LRRC58: variants seen among roughly 807,000 people sequenced by gnomAD.
The protein encoded by LRRC58 is leucine rich repeat containing 58.
A neutral mutation model predicts 30.6 loss-of-function variants in LRRC58; 18 were observed. That is an observed-to-expected ratio of 0.59 (90% confidence interval 0.41 to 0.87). The LOEUF (loss-of-function observed/expected upper bound fraction) is 0.87, where lower values mean the gene tolerates loss of function less well. Ranked by LOEUF, LRRC58 falls within the 40% of genes least tolerant of loss-of-function variation. The pLI is 0.00. For synonymous variants in LRRC58, 221 were observed against 206.0 expected, an observed-to-expected ratio of 1.07 and a Z score of -0.62; for missense variants, 420 against 468.4, an observed-to-expected ratio of 0.90 and a Z score of 0.95.
At chr3:120,334,043 A>C (rs993130185) in intron 3 of LRRC58, among the ~76,000 whole-genome samples, 8 of 152,208 alleles carry the variant, frequency 5.3e-5, no homozygotes, top group African/African-American at 1.7e-4. Context: ...TATCATTTGC[A>C]TAATTCTCTT....
chr3:120,330,874 G>A lies in LRRC58; in HGVS notation c.*326C>T. Reference sequence around the variant, plus strand: ...ACTTTCTCCATCTCAATGTCCAAAAGTTATACTACTCATGACTTATTGCAG... The same window carrying A: ...ACTTTCTCCATCTCAATGTCCAAAAATTATACTACTCATGACTTATTGCAG... On this transcript the variant is annotated 3_prime_UTR_variant, in exon 4 of 4. Transcript: ENST00000295628. 1 of 320,934 alleles carries A rather than the reference G, an allele frequency of 3.1e-6. No homozygotes were observed. The highest frequency in any genetic ancestry group is 3.2e-5 in the South Asian group (1 of 30,808). 19.9% of individuals were successfully genotyped at this position (320,934 alleles called of 1,614,324 possible).
intron 1 of LRRC58, among the ~76,000 whole-genome samples, chr3:120,338,125 G>A (rs762066591): frequency 5.3e-5 from 8 of 152,166 alleles, no homozygotes; most frequent in Non-Finnish European, 1.0e-4. Flanking sequence ...TTACGGGCGT[G>A]AGCCACGGTG....
At position 120,327,841 on chromosome 3, in the gene LRRC58, G is replaced by A. The variant is rs577946160; in HGVS notation, c.*3359C>T. The A allele has an allele frequency of 2.4e-4, 36 of 152,268 alleles. No homozygotes were observed. Among genetic ancestry groups the A allele is most frequent in the Admixed American group, 1.5e-3 (23 of 15,292 alleles). 9.4% of individuals were successfully genotyped at this position (152,268 alleles called of 1,614,324 possible). ...GATTACTGCAACCTCTGTCTCCCAAGTTCAAGTGATTCTCTTGTCTTAGCC... is the reference window on the plus strand; with the variant it reads ...GATTACTGCAACCTCTGTCTCCCAAATTCAAGTGATTCTCTTGTCTTAGCC... On this transcript the variant is annotated 3_prime_UTR_variant, in exon 4 of 4. Transcript: ENST00000295628.
At chr3:120,332,811 A>C (rs562403064) in intron 3 of LRRC58, among the ~76,000 whole-genome samples, 19 of 152,082 alleles carry the variant, frequency 1.2e-4, no homozygotes, top group African/African-American at 4.3e-4. Context: ...GTGCAGTGAC[A>C]TGATCACAAC....
intron 3 of LRRC58, among the ~76,000 whole-genome samples, chr3:120,332,006 C>T (rs1422609092): frequency 6.6e-6 from 1 of 152,170 alleles, no homozygotes; most frequent in Non-Finnish European, 1.5e-5. Context: ...GTCAGGTAAA[C>T]TGAAAGTAAT....
intron 1 of LRRC58, among the ~76,000 whole-genome samples, chr3:120,345,026 C>T (rs1490729774): frequency 1.3e-5 from 2 of 151,704 alleles, no homozygotes; most frequent in South Asian, 4.2e-4. Flanking sequence ...CTAATTTACT[C>T]GAGGGGAAGG....
rs1935691859 is a variant in LRRC58 at position 120,327,269 on chromosome 3, T to TTTTTTTG, written c.*3930_*3931insCAAAAAA. On this transcript the variant is annotated 3_prime_UTR_variant, in exon 4 of 4. Transcript: ENST00000295628. Reference sequence around the variant, plus strand: ...TTTCTTTTTTTTTTTTTTTTTTTTTTGAGACGGAGTCTCGCTCTGTGGCCC... The same window carrying TTTTTTTG: ...TTTCTTTTTTTTTTTTTTTTTTTTTTTTTTTTGGAGACGGAGTCTCGCTCTGTGGCCC... 1 of 127,480 alleles carries TTTTTTTG rather than the reference T, an allele frequency of 7.8e-6. No individual in the cohort carries two copies. The highest frequency in any genetic ancestry group is 1.7e-5 in the Non-Finnish European group (1 of 57,218). 7.9% of individuals were successfully genotyped at this position (127,480 alleles called of 1,614,324 possible).
At chr3:120,348,210 A>G (rs148502929) in intron 1 of LRRC58, among the ~76,000 whole-genome samples, 1 of 152,342 alleles carries the variant, frequency 6.6e-6, no homozygotes, top group East Asian at 1.9e-4. Context: ...TTCAACACAT[A>G]CTGAGTGCCT....
intron 1 of LRRC58, among the ~76,000 whole-genome samples, chr3:120,342,148 T>A (rs968126057): frequency 2.0e-5 from 3 of 152,062 alleles, no homozygotes; most frequent in Non-Finnish European, 4.4e-5. Flanking sequence ...ACAAATGGCA[T>A]CAGGAGGCAG....
intron 1 of LRRC58, among the ~76,000 whole-genome samples, chr3:120,344,403 A>G (rs1369388249): frequency 6.6e-6 from 1 of 152,238 alleles, no homozygotes; most frequent in Non-Finnish European, 1.5e-5. Flanking sequence ...AGAGCCAGTG[A>G]CAAGCTCAGT....
chr3:120,348,855 T>C lies in LRRC58; in HGVS notation c.389A>G (p.Asn130Ser), dbSNP rs755035198. The change falls in exon 1 of 4, where the codon AAC becomes AGC. Residue 130 changes from asparagine (N) to serine (S), a missense_variant. By Grantham distance (46) the Asn-to-Ser change is conservative (BLOSUM62 1). Coordinates refer to ENST00000295628, the MANE Select transcript of LRRC58 (RefSeq NM_001099678.2). ...RSLQVLNLSG[N>S]CFQEVPASLL... ...CGAGGCAGGCACCTCCTGGAAACAG[T>C]TGCCGCTGAGGTTGAGCACCTGGAG... 5.0e-6 allele frequency: 8 copies of C among 1,602,778 alleles called. No individual in the cohort carries two copies. Among genetic ancestry groups the C allele is most frequent in the East Asian group, 2.2e-5 (1 of 44,456 alleles).
intron 1 of LRRC58, among the ~76,000 whole-genome samples, chr3:120,336,880 TATAA>T (rs72317043): frequency 0.043 from 6,404 of 148,546 alleles, 341 homozygotes; most frequent in African/African-American, 0.13. Context: ...TATATTATAC[TATAA>T]ATAAATAAAT....
rs1935734594 is a variant in LRRC58, at chr3:120,330,156, T to C, written c.*1044A>G. On this transcript the variant is annotated 3_prime_UTR_variant, in exon 4 of 4. Coordinates refer to ENST00000295628, the MANE Select transcript of LRRC58 (RefSeq NM_001099678.2). ...AAGTAGAGAAAGATGGTCCAGTACA[T>C]GACATGGGTGAGAGTCATATTTTTT... is the stretch of plus-strand genomic sequence containing the variant. The C allele has an allele frequency of 6.6e-6, 1 of 152,084 alleles. No individual in the cohort carries two copies. The highest frequency in any genetic ancestry group is 1.5e-5 in the Non-Finnish European group (1 of 67,970). 9.4% of individuals were successfully genotyped at this position (152,084 alleles called of 1,614,324 possible).
chr3:120,341,329 CA>C (rs1409670887), intron 1 of LRRC58, among the ~76,000 whole-genome samples: 10 of 151,788 alleles, frequency 6.6e-5, no homozygotes. Flanking sequence ...AGAATACTAT[CA>C]GGGAAAAAAA....
At chr3:120,343,413 T>A (rs747309485) in intron 1 of LRRC58, among the ~76,000 whole-genome samples, 24 of 152,224 alleles carry the variant, frequency 1.6e-4, no homozygotes, top group Non-Finnish European at 3.4e-4. Context: ...GGGTTTAAGT[T>A]CTTGTGGTTA....
Position 120,330,080 on chromosome 3 carries a change from T to G in LRRC58, c.*1120A>C, listed in dbSNP as rs1030816306. 3.3e-5 allele frequency: 5 copies of G among 152,208 alleles called. No individual in the cohort carries two copies. Among genetic ancestry groups the G allele is most frequent in the Admixed American group, 3.3e-4 (5 of 15,290 alleles). The allele number at this position is 152,208 out of a possible 1,614,324, so 9.4% of individuals were successfully genotyped here. On this transcript the variant is annotated 3_prime_UTR_variant, in exon 4 of 4. Transcript: ENST00000295628. ...AGGACAATGACTCCTTTTCTCCATTTTTATTTGGCTTGTTGTGATGTTTTT... is the reference window on the plus strand; with the variant it reads ...AGGACAATGACTCCTTTTCTCCATTGTTATTTGGCTTGTTGTGATGTTTTT...
Position 120,326,077 on chromosome 3 carries a change from A to G in LRRC58, c.*5123T>C, listed in dbSNP as rs1349782804. 6.6e-6 allele frequency: 1 copy of G among 152,234 alleles called. No homozygotes were observed. The highest frequency in any genetic ancestry group is 1.5e-5 in the Non-Finnish European group (1 of 68,038). The allele number at this position is 152,234 out of a possible 1,614,324, so 9.4% of individuals were successfully genotyped here. ...TCTCCAAACTTTGGGTCTAGAGTAGAGGATTTAAGGCACATACTTCCTGAC... is the reference window on the plus strand; with the variant it reads ...TCTCCAAACTTTGGGTCTAGAGTAGGGGATTTAAGGCACATACTTCCTGAC... On this transcript the variant is annotated 3_prime_UTR_variant, in exon 4 of 4. Coordinates refer to ENST00000295628, the MANE Select transcript of LRRC58 (RefSeq NM_001099678.2).
rs1338808788 is a variant in LRRC58, at chr3:120,349,324, C to G, written c.-81G>C. 3 of 1,298,292 alleles carry G rather than the reference C, an allele frequency of 2.3e-6. No individual in the cohort carries two copies. The highest frequency in any genetic ancestry group is 1.6e-5 in the African/African-American group (1 of 64,266). The allele number at this position is 1,298,292 out of a possible 1,614,324, so 80.4% of individuals were successfully genotyped here. A position where few individuals can be genotyped will look rare whatever the true frequency, so the allele number is the denominator to read the frequency against. On this transcript the variant is annotated 5_prime_UTR_variant, in exon 1 of 4. Coordinates refer to ENST00000295628, the MANE Select transcript of LRRC58 (RefSeq NM_001099678.2). ...AGAGGCCGGGAGCTCTGCGGCGCCCCGGAACCTGAACCGAGGGCTGAGTCG... is the reference window on the plus strand; with the variant it reads ...AGAGGCCGGGAGCTCTGCGGCGCCCGGGAACCTGAACCGAGGGCTGAGTCG...
rs1336896486 is a variant in LRRC58, at chr3:120,325,644, T to C, written c.*5556A>G. 2.0e-5 allele frequency: 3 copies of C among 152,164 alleles called. No homozygotes were observed. The highest frequency in any genetic ancestry group is 3.9e-4 in the East Asian group (2 of 5,194). The allele number at this position is 152,164 out of a possible 1,614,324, so 9.4% of individuals were successfully genotyped here. A position where few individuals can be genotyped will look rare whatever the true frequency, so the allele number is the denominator to read the frequency against. On this transcript the variant is annotated 3_prime_UTR_variant, in exon 4 of 4. Transcript: ENST00000295628. ...AGACCAAGAAGAGATAGAAAAAGAA[T>C]GGGAGATATTTACATACAAAAGTAT...
Sources: allele counts gnomAD v4.1 joint callset (sites outside exome capture counted in the v4.1 genomes callset), GRCh38; gene constraint gnomAD v4.1.1; transcripts MANE v1.5; gene names NCBI Gene and HGNC (gene_info 2026-07-23, HGNC 2026-07-21).